Variants in PRLR observed in about 807,000 individuals in gnomAD.
PRLR encodes hPRL receptor.
A neutral mutation model predicts 40.2 loss-of-function variants in PRLR; 13 were observed. The observed-to-expected ratio is 0.32, with a 90% CI of 0.21 to 0.51. The LOEUF is 0.51. Ranked by LOEUF, PRLR falls within the 20% of genes least tolerant of loss-of-function variation. PRLR has a pLI of 0.97. For synonymous variants in PRLR, 269 were observed against 278.7 expected (o/e 0.97, Z 0.35); for missense variants, 656 against 747.3 (o/e 0.88, Z 1.42).
At chr5:35,108,092 T>C (rs567597977) in intron 2 of PRLR, among the ~76,000 whole-genome samples, 1 of 152,216 alleles carries the variant, frequency 6.6e-6, no homozygotes, top group East Asian at 1.9e-4. Context: ...ATAAACGTAA[T>C]CCAGCATATA....
At chr5:35,103,363 A>C (rs1240035315) in intron 2 of PRLR, among the ~76,000 whole-genome samples, 2 of 152,212 alleles carry the variant, frequency 1.3e-5, no homozygotes, top group Non-Finnish European at 2.9e-5. Flanking sequence ...GGGTACAGCT[A>C]ACTCCCCGTT....
At chr5:35,205,955 G>A (rs1437856678) in intron 1 of PRLR, among the ~76,000 whole-genome samples, 8 of 152,226 alleles carry the variant, frequency 5.3e-5, no homozygotes, top group South Asian at 4.2e-4. Context: ...ATTCCTAGAC[G>A]AGTAATCATG....
At chr5:35,146,819 TA>T (rs534436406) in intron 1 of PRLR, among the ~76,000 whole-genome samples, 183 of 152,230 alleles carry the variant, frequency 1.2e-3, no homozygotes, top group African/African-American at 4.0e-3. Flanking sequence ...TGCTCTTATT[TA>T]GCCCTCTAAA....
At chr5:35,130,789 T>G (rs1773644692) in intron 1 of PRLR, among the ~76,000 whole-genome samples, 1 of 152,170 alleles carries the variant, frequency 6.6e-6, no homozygotes, top group African/African-American at 2.4e-5. Flanking sequence ...TAAGATGAAG[T>G]AATAATGGAG....
At chr5:35,147,698 A>G (rs1429434707) in intron 1 of PRLR, among the ~76,000 whole-genome samples, 1 of 152,216 alleles carries the variant, frequency 6.6e-6, no homozygotes, top group Non-Finnish European at 1.5e-5. Context: ...AGAATATAGA[A>G]GAGATTCAAA....
At chr5:35,152,584 T>C (rs1430900325) in intron 1 of PRLR, among the ~76,000 whole-genome samples, 1 of 152,182 alleles carries the variant, frequency 6.6e-6, no homozygotes, top group Non-Finnish European at 1.5e-5. Flanking sequence ...ATGGACAACA[T>C]GAACCCACAC....
rs189229807 is a variant in PRLR, at chr5:35,074,615, T to C, written c.374-1871A>G. ...GAAATGAGAAGTAACTGCTTAGTAG[T>C]GGATGTGAAGTTTTCATTGAGGGAG... On this transcript the variant is annotated intron_variant, in intron 5 of 9. Coordinates refer to ENST00000618457, the MANE Select transcript of PRLR (RefSeq NM_000949.7). 7.3e-5 allele frequency among the ~76,000 whole-genome samples: 11 copies of C among 151,506 alleles called. 1 individual carries two copies. In the East Asian group the frequency reaches 2.1e-3, roughly 29 times the overall value.
intron 2 of PRLR, among the ~76,000 whole-genome samples, chr5:35,106,053 G>C (rs986933637): frequency 2.0e-5 from 3 of 152,228 alleles, no homozygotes; most frequent in Non-Finnish European, 4.4e-5. Context: ...CAAGCCAGAA[G>C]AGAGTGGGGG....
At chr5:35,205,009 A>G (rs1453915272) in intron 1 of PRLR, among the ~76,000 whole-genome samples, 2 of 152,298 alleles carry the variant, frequency 1.3e-5, no homozygotes, top group East Asian at 3.9e-4. Context: ...GAGAGCACTT[A>G]CAAATGCTAA....
intron 2 of PRLR, among the ~76,000 whole-genome samples, chr5:35,110,969 A>C (rs1772625338): frequency 6.6e-6 from 1 of 152,138 alleles, no homozygotes; most frequent in Non-Finnish European, 1.5e-5. Context: ...ACTGATAATG[A>C]ATCTTGACCT....
chr5:35,134,799 C>G (rs1357604943), intron 1 of PRLR, among the ~76,000 whole-genome samples: 1 of 152,226 alleles, frequency 6.6e-6, no homozygotes, highest in Non-Finnish European at 1.5e-5. Context: ...TTGGAATCAT[C>G]TGAGAAACTT....
intron 2 of PRLR, among the ~76,000 whole-genome samples, chr5:35,094,599 C>CT (rs1771419667): frequency 6.6e-6 from 1 of 152,024 alleles, no homozygotes; most frequent in Admixed American, 6.6e-5. Flanking sequence ...ATTTCAAGTG[C>CT]TTTTTTTGTC....
At chr5:35,127,257 GT>G (rs1773501652) in intron 1 of PRLR, among the ~76,000 whole-genome samples, 1 of 152,168 alleles carries the variant, frequency 6.6e-6, no homozygotes, top group South Asian at 2.1e-4. Flanking sequence ...ACAACTGCAG[GT>G]GCAGTGTTCC....
intron 1 of PRLR, among the ~76,000 whole-genome samples, chr5:35,220,158 C>T (rs571078721): frequency 7.4e-4 from 112 of 152,292 alleles, no homozygotes; most frequent in African/African-American, 2.6e-3. Context: ...CATGATCCTA[C>T]CCTGCTGAAA....
At chr5:35,223,899 C>T (rs1199022574) in intron 1 of PRLR, among the ~76,000 whole-genome samples, 1 of 152,184 alleles carries the variant, frequency 6.6e-6, no homozygotes, top group African/African-American at 2.4e-5. Context: ...AGAAATATTA[C>T]CAGGGCAGCC....
chr5:35,129,948 T>G (rs1347688057), intron 1 of PRLR, among the ~76,000 whole-genome samples: 2 of 152,112 alleles, frequency 1.3e-5, no homozygotes, highest in Non-Finnish European at 2.9e-5. Flanking sequence ...TGACTTACCC[T>G]GGGCATGTCG....
intron 1 of PRLR, among the ~76,000 whole-genome samples, chr5:35,213,766 T>C (rs555790573): frequency 6.6e-6 from 1 of 152,290 alleles, no homozygotes; most frequent in East Asian, 1.9e-4. Context: ...GCATCTTGCT[T>C]TTGTAATTGT....
chr5:35,131,606 T>G (rs898275247), intron 1 of PRLR, among the ~76,000 whole-genome samples: 1 of 152,202 alleles, frequency 6.6e-6, no homozygotes, highest in Non-Finnish European at 1.5e-5. Flanking sequence ...TGGCCCACAT[T>G]CCCTGGGACG....
At position 35,188,936 on chromosome 5, in the gene PRLR, C is replaced by T. The variant is rs372740968; in HGVS notation, c.-106+41332G>A. On this transcript the variant is annotated intron_variant, in intron 1 of 9. Transcript: ENST00000618457. ...TGTGCCCTCCCACCCCAAATTCATACGTTGAAATCCCAACACCCAGGACCT... is the reference window on the plus strand; with the variant it reads ...TGTGCCCTCCCACCCCAAATTCATATGTTGAAATCCCAACACCCAGGACCT... Among the ~76,000 whole-genome samples, 18 of 152,214 alleles carry T rather than the reference C, an allele frequency of 1.2e-4. No individual in the cohort carries two copies. In the East Asian group the frequency reaches 1.4e-3, roughly 11 times the overall value.
Sources: gnomAD v4.1 joint callset for allele counts (sites outside exome capture counted in the v4.1 genomes callset) on GRCh38, gnomAD v4.1.1 for gene constraint, MANE v1.5 for transcripts, NCBI Gene and HGNC (gene_info 2026-07-23, HGNC 2026-07-21) for gene names.